Variants in SLC6A4 observed in about 807,000 individuals in gnomAD.
The protein encoded by SLC6A4 is sodium-dependent serotonin transporter.
SLC6A4 carries 22 observed loss-of-function variants against 73.4 expected under a neutral mutation model. That is an observed-to-expected ratio of 0.30 (90% confidence interval 0.21 to 0.43). SLC6A4 has a LOEUF of 0.43. Ranked by LOEUF, SLC6A4 falls within the 20% of genes least tolerant of loss-of-function variation. SLC6A4 has a pLI of 1.00. For missense variants in SLC6A4, 593 were observed against 808.5 expected, an observed-to-expected ratio of 0.73 and a Z score of 3.23; for synonymous variants, 270 against 315.5, an observed-to-expected ratio of 0.86 and a Z score of 1.53.
At chr17:30,200,539 C>T (rs1176063943) in intron 14 of SLC6A4, among the ~76,000 whole-genome samples, 1 of 152,166 alleles carries the variant, frequency 6.6e-6, no homozygotes, top group Non-Finnish European at 1.5e-5. Context: ...TAAGCGGTGG[C>T]TCACTCCACA....
intron 5 of SLC6A4, 140 bp from the exon 6 acceptor site, chr17:30,217,444 AG>A: frequency 1.3e-6 from 1 of 793,424 alleles, no homozygotes; most frequent in East Asian, 2.7e-5. Context: ...GCCCAGGAAG[AG>A]CTGGGATTGG....
At position 30,196,411 on chromosome 17, in the gene SLC6A4, G is replaced by A. The variant is rs887784728; in HGVS notation, c.*2045C>T. ...AAGTTTGAAAACTTTCAAAGCTCCT[G>A]TACAATTCCATTAATACCAGACTTG... On this transcript the variant is annotated 3_prime_UTR_variant, in exon 15 of 15. Transcript: ENST00000650711. The A allele has an allele frequency of 6.6e-6, 1 of 151,578 alleles. No individual in the cohort carries two copies. The highest frequency in any genetic ancestry group is 2.4e-5 in the African/African-American group (1 of 41,172). 9.4% of individuals were successfully genotyped at this position (151,578 alleles called of 1,614,324 possible). A position where few individuals can be genotyped will look rare whatever the true frequency, so the allele number is the denominator to read the frequency against.
chr17:30,212,944 G>T, intron 8 of SLC6A4, 77 bp from the exon 9 acceptor site: 1 of 1,514,808 alleles, frequency 6.6e-7, no homozygotes, highest in Non-Finnish European at 9.0e-7. Flanking sequence ...CCGTGTGCCT[G>T]CCCTGCCTTA....
rs574826424 is a variant in SLC6A4, at chr17:30,194,361, G to T, written c.*4095C>A. On this transcript the variant is annotated 3_prime_UTR_variant, in exon 15 of 15. Transcript: ENST00000650711. The stretch of plus-strand genomic sequence containing the variant: ...TTATTAATATCTCACAATCTAACTT[G>T]AAATATTTATAAACACTGCATAAAT... 6.6e-6 allele frequency: 1 copy of T among 151,988 alleles called. No homozygotes were observed. Among genetic ancestry groups the T allele is most frequent in the Non-Finnish European group, 1.5e-5 (1 of 67,960 alleles). 9.4% of individuals were successfully genotyped at this position (151,988 alleles called of 1,614,324 possible).
chr17:30,217,994 CCT>C, intron 5 of SLC6A4, 122 bp downstream of exon 5: 1 of 719,740 alleles, frequency 1.4e-6, no homozygotes, highest in South Asian at 1.8e-5. Context: ...TACTCCCACC[CCT>C]GATAGCTTCA....
intron 3 of SLC6A4, among the ~76,000 whole-genome samples, chr17:30,221,177 A>G (rs914008835): frequency 6.6e-6 from 1 of 151,538 alleles, no homozygotes; most frequent in Non-Finnish European, 1.5e-5. Context: ...GGGTTTTGCC[A>G]TGTTGGTCAG....
At chr17:30,221,013 G>A (rs1004334531) in intron 3 of SLC6A4, among the ~76,000 whole-genome samples, 1 of 127,388 alleles carries the variant, frequency 7.9e-6, no homozygotes, top group Non-Finnish European at 1.6e-5. Flanking sequence ...GTCTCGCTCT[G>A]TCGCCTAGGC....
chr17:30,202,602 C>T (rs1361395920), intron 14 of SLC6A4, among the ~76,000 whole-genome samples: 4 of 152,236 alleles, frequency 2.6e-5, no homozygotes, highest in African/African-American at 4.8e-5. Context: ...ATTTCTACAG[C>T]GCATTCATTA....
chr17:30,230,045 AAAGAAGAAGAAG>A (rs1189804200), intron 1 of SLC6A4, among the ~76,000 whole-genome samples: 27 of 111,148 alleles, frequency 2.4e-4, no homozygotes, highest in East Asian at 1.4e-3. Context: ...GAAAAAGAAG[AAAGAAGAAGAAG>A]AAGAAGAAGA....
At chr17:30,222,797 C>T in intron 2 of SLC6A4, 22 bp downstream of exon 2, 1 of 1,304,614 alleles carries the variant, frequency 7.7e-7, no homozygotes, top group Non-Finnish European at 1.0e-6. Flanking sequence ...CCGACTGGTC[C>T]TTAAACGGCA....
In SLC6A4 at chr17:30,218,108, G is replaced by T. The variant is rs61704709; in HGVS notation, c.698+10C>A. On this transcript the variant is annotated intron_variant, in intron 5 of 14. Transcript: ENST00000650711. ...CCTAACAGGCCAACCCCTCACTTAC[G>T]TGCACTTACGTGTAAAATTCTTCAG... The T allele has an allele frequency of 6.2e-7, 1 of 1,611,712 alleles. No homozygotes were observed. Among genetic ancestry groups the T allele is most frequent in the Admixed American group, 1.7e-5 (1 of 60,016 alleles).
chr17:30,201,987 G>A (rs565377960), intron 14 of SLC6A4, among the ~76,000 whole-genome samples: 4 of 152,156 alleles, frequency 2.6e-5, no homozygotes, highest in Non-Finnish European at 4.4e-5. Context: ...AGCTAGTCAG[G>A]AGGCTGAGGT....
intron 6 of SLC6A4, 32 bp from the exon 7 acceptor site, chr17:30,216,248 T>C: frequency 1.8e-6 from 2 of 1,081,204 alleles, no homozygotes; most frequent in African/African-American, 1.9e-5. Flanking sequence ...ACCATGCTGT[T>C]CCAGGGAGGG....
intron 13 of SLC6A4, chr17:30,206,518 G>A (rs1906204149): frequency 6.6e-6 from 1 of 151,990 alleles, no homozygotes; most frequent in Non-Finnish European, 1.5e-5. Context: ...GTGGATTTTT[G>A]CTTAGAGAGC....
rs1000333027 is a variant in SLC6A4, at chr17:30,207,895, C to G, written c.1550-63G>C. 3.0e-5 allele frequency: 37 copies of G among 1,218,452 alleles called. No homozygotes were observed. The South Asian group carries it at 4.3e-4, about 14-fold the overall frequency. The allele number at this position is 1,218,452 out of a possible 1,614,324, so 75.5% of individuals were successfully genotyped here. On this transcript the variant is annotated intron_variant, in intron 12 of 14. Coordinates refer to ENST00000650711, the MANE Select transcript of SLC6A4 (RefSeq NM_001045.6). ...AAAGGACATGGGCTGTGCTGCTGTG[C>G]CCTGATTCTCTGGGAGAGTCAGAGT... is the stretch of plus-strand genomic sequence containing the variant.
At chr17:30,222,672 T>G in intron 2 of SLC6A4, 147 bp downstream of exon 2, 1 of 612,166 alleles carries the variant, frequency 1.6e-6, no homozygotes, top group Non-Finnish European at 2.8e-6. Context: ...CAGCTACAGA[T>G]TCTGTCACTC....
chr17:30,212,909 G>C, intron 8 of SLC6A4, 42 bp from the exon 9 acceptor site: 1 of 1,610,126 alleles, frequency 6.2e-7, no homozygotes, highest in Non-Finnish European at 8.5e-7. Flanking sequence ...ACAGTTCCAA[G>C]ATCAGGGGTC....
intron 8 of SLC6A4, among the ~76,000 whole-genome samples, 174 bp downstream of exon 8, chr17:30,215,435 TGA>T (rs1267236486): frequency 2.0e-5 from 3 of 152,130 alleles, no homozygotes; most frequent in Non-Finnish European, 4.4e-5. Flanking sequence ...ACGGCCTGGA[TGA>T]GTGCTCTGGC....
At position 30,197,521 on chromosome 17, in the gene SLC6A4, A is replaced by C. The variant is rs1905902491; in HGVS notation, c.*935T>G. 1 of 152,444 alleles carries C rather than the reference A, an allele frequency of 6.6e-6. No homozygotes were observed. Among genetic ancestry groups the C allele is most frequent in the African/African-American group, 2.4e-5 (1 of 41,456 alleles). The allele number at this position is 152,444 out of a possible 1,614,324, so 9.4% of individuals were successfully genotyped here. Reference sequence around the variant, plus strand: ...GAACACTGAAGGGGCATGTGACAAGATCCACCTTCAACGTACTTCACAGCC... The same window carrying C: ...GAACACTGAAGGGGCATGTGACAAGCTCCACCTTCAACGTACTTCACAGCC... On this transcript the variant is annotated 3_prime_UTR_variant, in exon 15 of 15. Transcript: ENST00000650711.
Sources: allele counts gnomAD v4.1 joint callset (sites outside exome capture counted in the v4.1 genomes callset), GRCh38; gene constraint gnomAD v4.1.1; transcripts MANE v1.5; gene names NCBI Gene and HGNC (gene_info 2026-07-23, HGNC 2026-07-21).